Variants in ACSM2B observed in about 807,000 individuals in gnomAD.
ACSM2B encodes acyl-CoA synthetase medium chain family member 2B.
Under a neutral mutation model 78.6 loss-of-function variants are expected in ACSM2B, and 58 were observed. The observed-to-expected ratio is 0.74, with a 90% confidence interval of 0.60 to 0.92. The LOEUF is 0.92. ACSM2B is among the 40% of genes least tolerant of loss of function. ACSM2B has a pLI of 0.00. For synonymous variants in ACSM2B, 257 were observed against 256.8 expected (o/e 1.00, Z -0.01); for missense variants, 688 against 711.2 (o/e 0.97, Z 0.37).
Position 20,540,663 on chromosome 16 carries a change from G to A in ACSM2B, c.1620C>T (p.Tyr540=), listed in dbSNP as rs770957508. 3.7e-6 allele frequency: 6 copies of A among 1,613,996 alleles called. No individual in the cohort carries two copies. Among genetic ancestry groups the A allele is most frequent in the South Asian group, 2.2e-5 (2 of 91,070 alleles). ...AGCTCAAAGGCCTTACCTTTCTTGG[G>A]TACTTGTATGGGGCTGTCACTGACT... ...HVKSVTAPYK[Y]PRKIEFVLNL... Residue 540 remains tyrosine (Y), a synonymous_variant, in exon 13 of 14, where the codon TAC becomes TAT. Transcript: ENST00000329697.
intron 5 of ACSM2B, 143 bp from the exon 6 acceptor site, chr16:20,552,440 A>G (rs528660391): frequency 1.6e-6 from 2 of 1,251,418 alleles, no homozygotes; most frequent in Non-Finnish European, 2.1e-6. Flanking sequence ...CATATGTTTA[A>G]GTATAAGTAG....
At chr16:20,543,706 A>G (rs1321012786) in intron 10 of ACSM2B, among the ~76,000 whole-genome samples, 2 of 152,126 alleles carry the variant, frequency 1.3e-5, no homozygotes, top group African/African-American at 4.8e-5. Context: ...ACCCTGGCTA[A>G]TGTGCATATT....
In ACSM2B at chr16:20,536,945, C is replaced by T. The variant is rs1404205658; in HGVS notation, c.*313G>A. 1 of 222,662 alleles carries T rather than the reference C, an allele frequency of 4.5e-6. No individual in the cohort carries two copies. Among genetic ancestry groups the T allele is most frequent in the Non-Finnish European group, 8.7e-6 (1 of 114,326 alleles). 13.8% of individuals were successfully genotyped at this position (222,662 alleles called of 1,614,324 possible). On this transcript the variant is annotated 3_prime_UTR_variant, in exon 14 of 14. Transcript: ENST00000329697. The stretch of plus-strand genomic sequence containing the variant: ...TCCTCTTTCCTTTCTTCCTCCTTCC[C>T]TTGCTTCCTCTCGCCTTCCCTCCCT...
intron 1 of ACSM2B, among the ~76,000 whole-genome samples, chr16:20,567,256 T>C (rs1207227088): frequency 7.8e-6 from 1 of 127,538 alleles, no homozygotes; most frequent in Non-Finnish European, 1.6e-5. Context: ...ATATAATATA[T>C]AATATATAGT....
chr16:20,545,342 A>G (rs2015106290), intron 9 of ACSM2B, 84 bp from the exon 10 acceptor site: 5 of 1,496,694 alleles, frequency 3.3e-6, no homozygotes, highest in East Asian at 2.3e-5. Context: ...AGTTGGTCAA[A>G]TGAAAGACTC....
intron 5 of ACSM2B, 43 bp downstream of exon 5, chr16:20,553,734 C>A (rs369396695): frequency 1.3e-6 from 2 of 1,596,374 alleles, no homozygotes; most frequent in South Asian, 1.1e-5. Context: ...CGTCTTCATG[C>A]CTGGTCATGC....
At position 20,538,266 on chromosome 16, in the gene ACSM2B, A is replaced by G. The variant is rs117320151; in HGVS notation, c.1630-904T>C. Among the ~76,000 whole-genome samples the G allele has an allele frequency of 4.7e-3, 717 of 152,326 alleles. 4 individuals are homozygous for G. Among genetic ancestry groups the G allele is most frequent in the Non-Finnish European group, 8.0e-3 (547 of 68,026 alleles). On this transcript the variant is annotated intron_variant, in intron 13 of 13. Transcript: ENST00000329697. ...TGGAGAAGAGTTTATTCAAAACACA[A>G]TGAAATGGAGCAGAGGTCAGCAAAC...
Position 20,537,333 on chromosome 16 carries a change from A to G in ACSM2B, c.1659T>C (p.Thr553=). 2 of 1,614,054 alleles carry G rather than the reference A, an allele frequency of 1.2e-6. No individual in the cohort carries two copies. Among genetic ancestry groups the G allele is most frequent in the African/African-American group, 1.3e-5 (1 of 75,050 alleles). ...TGGTTCGTTGAATTTTCCCTGTGAC[A>G]GTCTTGGGCAGGTTCAAGACAAACT... ...KIEFVLNLPK[T]VTGKIQRTKL... is the part of the protein sequence containing the mutation. The change falls in exon 14 of 14, where the codon ACT becomes ACC. Residue 553 remains threonine (T), a synonymous_variant. Coordinates refer to ENST00000329697, the MANE Select transcript of ACSM2B (RefSeq NM_001105069.2).
intron 1 of ACSM2B, among the ~76,000 whole-genome samples, chr16:20,570,872 A>T (rs1252891245): frequency 6.6e-6 from 1 of 151,788 alleles, no homozygotes; most frequent in African/African-American, 2.4e-5. Context: ...AGCTGTTTGT[A>T]GTGCCTTGGA....
At chr16:20,564,350 A>G (rs2152144313) in intron 2 of ACSM2B, among the ~76,000 whole-genome samples, 1 of 152,018 alleles carries the variant, frequency 6.6e-6, no homozygotes, top group Non-Finnish European at 1.5e-5. Context: ...CGCCTCTTCT[A>G]CGACCCCAGA....
At chr16:20,554,177 T>C in intron 4 of ACSM2B, 1 of 636,686 alleles carries the variant, frequency 1.6e-6, no homozygotes, top group African/African-American at 1.8e-5. Context: ...TCACTTTATA[T>C]CTGCAAAAAA....
chr16:20,557,793 G>A (rs954120250), intron 3 of ACSM2B, among the ~76,000 whole-genome samples: 1 of 152,100 alleles, frequency 6.6e-6, no homozygotes, highest in Non-Finnish European at 1.5e-5. Flanking sequence ...TAATTTTCAA[G>A]CTTCCCTCCC....
Position 20,553,939 on chromosome 16 carries a change from G to A in ACSM2B, c.597-19C>T, listed in dbSNP as rs1186520705. ...TGCCTCACTGACAAAGACACAGATT[G>A]TCATTTTCTCAGATCTAGCCTGGAC... On this transcript the variant is annotated intron_variant, in intron 4 of 13. Transcript: ENST00000329697. The A allele has an allele frequency of 1.2e-6, 2 of 1,612,998 alleles. No individual in the cohort carries two copies. Among genetic ancestry groups the A allele is most frequent in the East Asian group, 2.2e-5 (1 of 44,858 alleles).
chr16:20,548,778 T>G (rs1024106345), intron 6 of ACSM2B, among the ~76,000 whole-genome samples: 6 of 152,094 alleles, frequency 3.9e-5, no homozygotes, highest in Non-Finnish European at 7.4e-5. Flanking sequence ...AACACACCCC[T>G]AGGAGTATAT....
chr16:20,555,202 G>C, intron 4 of ACSM2B, 67 bp downstream of exon 4: 2 of 1,607,298 alleles, frequency 1.2e-6, no homozygotes, highest in Non-Finnish European at 1.7e-6. Context: ...TAAAGCACCT[G>C]CACCTAAGTG....
intron 2 of ACSM2B, among the ~76,000 whole-genome samples, chr16:20,561,685 T>C (rs2015659266): frequency 8.0e-6 from 1 of 124,450 alleles, no homozygotes; most frequent in South Asian, 3.0e-4. Context: ...CAATAATCTC[T>C]TTTTTTTTTG....
intron 4 of ACSM2B, among the ~76,000 whole-genome samples, 163 bp downstream of exon 4, chr16:20,555,106 T>TG (rs906596175): frequency 3.3e-5 from 4 of 121,160 alleles, no homozygotes; most frequent in African/African-American, 8.5e-5. Flanking sequence ...TGCAATGACT[T>TG]GAAAAAAAAA....
intron 1 of ACSM2B, among the ~76,000 whole-genome samples, chr16:20,566,682 G>GTA (rs1235758959): frequency 0.05 from 197 of 3,936 alleles, 21 homozygotes; most frequent in Non-Finnish European, 0.057. Flanking sequence ...TATACATATA[G>GTA]TATATACTAT....
rs1443894067 is a variant in ACSM2B at position 20,551,280 on chromosome 16, T to G, written c.894+864A>C. Among the ~76,000 whole-genome samples, 3 of 152,066 alleles carry G rather than the reference T, an allele frequency of 2.0e-5. No homozygotes were observed. The South Asian group carries it at 6.2e-4, about 32-fold the overall frequency. On this transcript the variant is annotated intron_variant, in intron 6 of 13. Transcript: ENST00000329697. The stretch of plus-strand genomic sequence containing the variant: ...GTGGTGTTTACAGGGGTGTCTGATA[T>G]GAATTGGATGTTGTGTCCCCACCTA...
Sources: allele counts gnomAD v4.1 joint callset (sites outside exome capture counted in the v4.1 genomes callset), GRCh38; gene constraint gnomAD v4.1.1; transcripts MANE v1.5; gene names NCBI Gene and HGNC (gene_info 2026-07-23, HGNC 2026-07-21).